HYDIN: variants seen among roughly 807,000 people sequenced by gnomAD.
The protein encoded by HYDIN is HYDIN axonemal central pair apparatus protein, also known as axonemal central pair apparatus protein HYDIN.
Under a neutral mutation model 403.9 loss-of-function variants are expected in HYDIN, and 132 were observed. The ratio of observed to expected loss-of-function variants is 0.33; its 90% confidence interval spans 0.28 to 0.38. The LOEUF (loss-of-function observed/expected upper bound fraction) is 0.38, where lower values mean the gene tolerates loss of function less well. Ranked by LOEUF, HYDIN falls within the 10% of genes least tolerant of loss-of-function variation. HYDIN has a pLI of 1.00. For synonymous variants in HYDIN, 1,202 were observed against 1,891.7 expected, an observed-to-expected ratio of 0.64 and a Z score of 9.46; for missense variants, 2,827 against 5,009.5, an observed-to-expected ratio of 0.56 and a Z score of 13.15.
chr16:71,199,870 T>C (rs147114937), intron 1 of HYDIN, among the ~76,000 whole-genome samples: 4 of 152,248 alleles, frequency 2.6e-5, no homozygotes, highest in African/African-American at 4.8e-5. Flanking sequence ...AGCAACTCCA[T>C]CTTGAGTAGG....
chr16:70,868,877 G>C, intron 65 of HYDIN, 89 bp from the exon 66 acceptor site: 1 of 1,392,400 alleles, frequency 7.2e-7, no homozygotes, highest in Non-Finnish European at 9.6e-7. Context: ...AAGGGAAGGA[G>C]CCAAAGGTCT....
chr16:70,919,599 C>A (rs1018162303), intron 46 of HYDIN, among the ~76,000 whole-genome samples: 49 of 152,006 alleles, frequency 3.2e-4, no homozygotes, highest in Non-Finnish European at 2.1e-4. Flanking sequence ...TGCCTGTAAT[C>A]CCAGCACTTT....
chr16:71,062,433 T>C, intron 16 of HYDIN, 100 bp from the exon 17 acceptor site: 5 of 930,520 alleles, frequency 5.4e-6, no homozygotes, highest in Middle Eastern at 3.2e-4. Context: ...AGAGGTGTTT[T>C]AGAAATGTCT....
chr16:70,817,668 T>G (rs1392988877), intron 84 of HYDIN, among the ~76,000 whole-genome samples: 1 of 152,246 alleles, frequency 6.6e-6, no homozygotes, highest in Non-Finnish European at 1.5e-5. Flanking sequence ...TGAAGTAGTG[T>G]GTGTGTGCGC....
chr16:70,803,335 T>C lies in HYDIN; in HGVS notation c.*4245A>G, dbSNP rs545997160. On this transcript the variant is annotated 3_prime_UTR_variant, in exon 86 of 86. Transcript: ENST00000393567. ...GAAAAATGCCAACTAGGTAAGATTA[T>C]TTATGCATAATTGAGCTAGCAGTGG... Among the ~76,000 whole-genome samples, 22 of 152,198 alleles carry C rather than the reference T, an allele frequency of 1.4e-4. No homozygotes were observed. Among genetic ancestry groups the C allele is most frequent in the Non-Finnish European group, 2.8e-4 (19 of 68,040 alleles).
intron 23 of HYDIN, among the ~76,000 whole-genome samples, chr16:71,011,658 A>G (rs978326069): frequency 2.0e-5 from 3 of 152,140 alleles, no homozygotes; most frequent in African/African-American, 7.2e-5. Context: ...CCAGGAGTTT[A>G]AGGGTGTGGT....
chr16:71,138,010 A>T (rs1309889665), intron 7 of HYDIN, among the ~76,000 whole-genome samples: 2 of 151,794 alleles, frequency 1.3e-5, no homozygotes, highest in African/African-American at 4.8e-5. Flanking sequence ...TTAAAAATTT[A>T]AAAATTTTAA....
At chr16:71,180,659 A>G (rs970437099) in intron 3 of HYDIN, among the ~76,000 whole-genome samples, 3 of 152,010 alleles carry the variant, frequency 2.0e-5, no homozygotes, top group Non-Finnish European at 4.4e-5. Flanking sequence ...TGAAACTGAA[A>G]CTGGCACTAT....
intron 23 of HYDIN, among the ~76,000 whole-genome samples, chr16:71,016,632 A>G (rs377274786): frequency 4.9e-4 from 71 of 146,224 alleles, no homozygotes; most frequent in African/African-American, 1.7e-3. Flanking sequence ...CCAAGAATTG[A>G]AATCAGAATC....
chr16:71,168,648 G>A (rs769471790), intron 5 of HYDIN, among the ~76,000 whole-genome samples: 17 of 151,950 alleles, frequency 1.1e-4, no homozygotes, highest in Non-Finnish European at 1.9e-4. Flanking sequence ...TCCCATCCTC[G>A]ATGTCACCCT....
Position 70,860,321 on chromosome 16 carries a change from C to G in HYDIN, c.11991-115G>C. Reference sequence around the variant, plus strand: ...CCCCCATCTGGGAAGCAGAACTGTTCAGAGCACTTTGTTACTGTGGAAATA... The same window carrying G: ...CCCCCATCTGGGAAGCAGAACTGTTGAGAGCACTTTGTTACTGTGGAAATA... On this transcript the variant is annotated intron_variant, in intron 70 of 85. Coordinates refer to ENST00000393567, the MANE Select transcript of HYDIN (RefSeq NM_001270974.2). 2.7e-6 allele frequency: 3 copies of G among 1,106,264 alleles called. No homozygotes were observed. The South Asian group carries it at 4.6e-5, about 17-fold the overall frequency. 68.5% of individuals were successfully genotyped at this position (1,106,264 alleles called of 1,614,324 possible). A position where few individuals can be genotyped will look rare whatever the true frequency, so the allele number is the denominator to read the frequency against.
intron 7 of HYDIN, among the ~76,000 whole-genome samples, chr16:71,152,190 G>C (rs1019022568): frequency 6.6e-6 from 1 of 151,038 alleles, no homozygotes; most frequent in African/African-American, 2.4e-5. Context: ...ACACCAGTTA[G>C]GGGGATTTCT....
intron 3 of HYDIN, among the ~76,000 whole-genome samples, chr16:71,183,141 G>A (rs1009703415): frequency 6.6e-6 from 1 of 152,096 alleles, no homozygotes; most frequent in Non-Finnish European, 1.5e-5. Context: ...AAACTGGAAT[G>A]GTGGTGGAGG....
chr16:71,024,254 C>A (rs958279481), intron 21 of HYDIN, among the ~76,000 whole-genome samples: 1 of 152,214 alleles, frequency 6.6e-6, no homozygotes, highest in Non-Finnish European at 1.5e-5. Context: ...CTTTTGCCAT[C>A]CTTGGCACAT....
chr16:71,139,155 A>G (rs1299845446), intron 7 of HYDIN, among the ~76,000 whole-genome samples: 4 of 151,450 alleles, frequency 2.6e-5, no homozygotes, highest in Non-Finnish European at 5.9e-5. Flanking sequence ...CTGGAAGTAG[A>G]TTAGCCTTAG....
At chr16:71,150,283 T>C (rs1276574300) in intron 7 of HYDIN, among the ~76,000 whole-genome samples, 1 of 147,368 alleles carries the variant, frequency 6.8e-6, no homozygotes, top group Non-Finnish European at 1.5e-5. Context: ...ATAATAATAA[T>C]TAAAAAGTTA....
At chr16:71,027,576 A>G (rs1172652340) in intron 20 of HYDIN, 26 bp downstream of exon 20, 2 of 1,614,052 alleles carry the variant, frequency 1.2e-6, no homozygotes, top group Non-Finnish European at 1.7e-6. Context: ...AAAAAACAAT[A>G]GCTTCCAAAT....
At chr16:71,003,585 A>AGGTC (rs2079793444) in intron 23 of HYDIN, among the ~76,000 whole-genome samples, 1 of 152,030 alleles carries the variant, frequency 6.6e-6, no homozygotes, top group Non-Finnish European at 1.5e-5. Flanking sequence ...GGATCACCTG[A>AGGTC]AGTCAGCAGT....
At chr16:71,077,967 T>C (rs2082668992) in intron 13 of HYDIN, among the ~76,000 whole-genome samples, 1 of 151,544 alleles carries the variant, frequency 6.6e-6, no homozygotes, top group Middle Eastern at 3.2e-3. Flanking sequence ...ATATAAATTG[T>C]GGTAAATTAC....
Sources: allele counts gnomAD v4.1 joint callset (sites outside exome capture counted in the v4.1 genomes callset), GRCh38; gene constraint gnomAD v4.1.1; transcripts MANE v1.5; gene names NCBI Gene and HGNC (gene_info 2026-07-23, HGNC 2026-07-21).